Variants in ASTN2 observed in about 807,000 individuals in gnomAD.
The protein encoded by ASTN2 is astrotactin-2.
A neutral mutation model predicts 139.8 loss-of-function variants in ASTN2; 54 were observed. That is an observed-to-expected ratio of 0.39 (90% CI 0.31 to 0.48). The LOEUF (loss-of-function observed/expected upper bound fraction) is 0.48, where lower values mean the gene tolerates loss of function less well. Ranked by LOEUF, ASTN2 falls within the 20% of genes least tolerant of loss-of-function variation. ASTN2 has a pLI of 0.95. For synonymous variants in ASTN2, 756 were observed against 719.5 expected (o/e 1.05, Z -0.81); for missense variants, 1,565 against 1,725.1 (o/e 0.91, Z 1.64).
chr9:116,511,483 G>T (rs1247640613), intron 19 of ASTN2, among the ~76,000 whole-genome samples: 1 of 152,112 alleles, frequency 6.6e-6, no homozygotes, highest in Non-Finnish European at 1.5e-5. Context: ...TTGTGTCTCT[G>T]CCAGGCTTTG....
intron 10 of ASTN2, among the ~76,000 whole-genome samples, chr9:116,965,239 C>A (rs1345799551): frequency 6.6e-6 from 1 of 152,176 alleles, no homozygotes; most frequent in Non-Finnish European, 1.5e-5. Flanking sequence ...TTGATTTAGT[C>A]CAACCTGTTA....
intron 10 of ASTN2, among the ~76,000 whole-genome samples, chr9:116,879,119 A>G (rs943706241): frequency 2.6e-5 from 4 of 152,110 alleles, no homozygotes; most frequent in African/African-American, 9.7e-5. Context: ...CAGGTATGGT[A>G]TCAGAGTCCA....
In ASTN2 at chr9:116,669,897, T is replaced by C. The variant is rs1450145273; in HGVS notation, c.2807-18104A>G. On this transcript the variant is annotated intron_variant, in intron 16 of 22. Transcript: ENST00000313400. ...CTTGGCTCACTGCAACCTCAACCTC[T>C]TGGGTTCAAGCAATTCTCTGCCTCA... Among the ~76,000 whole-genome samples, 9 of 151,862 alleles carry C rather than the reference T, an allele frequency of 5.9e-5. No homozygotes were observed. In the South Asian group the frequency reaches 1.2e-3, roughly 21 times the overall value.
intron 19 of ASTN2, among the ~76,000 whole-genome samples, chr9:116,577,584 G>A (rs1853774271): frequency 6.6e-6 from 1 of 152,150 alleles, no homozygotes; most frequent in Non-Finnish European, 1.5e-5. Context: ...GATCCAGTGT[G>A]ATGAGCACTG....
At chr9:116,486,577 C>T (rs912253603) in intron 20 of ASTN2, among the ~76,000 whole-genome samples, 6 of 152,152 alleles carry the variant, frequency 3.9e-5, no homozygotes, top group Non-Finnish European at 8.8e-5. Flanking sequence ...AGCTCAACTT[C>T]GTAACAACTT....
intron 11 of ASTN2, among the ~76,000 whole-genome samples, chr9:116,821,360 T>C (rs1831479140): frequency 6.6e-6 from 1 of 152,170 alleles, no homozygotes; most frequent in South Asian, 2.1e-4. Context: ...AGTTGGATCA[T>C]GGGGGTGCAT....
At chr9:116,831,760 C>T (rs933257921) in intron 11 of ASTN2, among the ~76,000 whole-genome samples, 42 of 152,060 alleles carry the variant, frequency 2.8e-4, no homozygotes, top group African/African-American at 8.0e-4. Flanking sequence ...GTTCCTTTGC[C>T]GTTCGTTTAA....
At chr9:116,799,755 A>G (rs945423773) in intron 13 of ASTN2, among the ~76,000 whole-genome samples, 4 of 151,544 alleles carry the variant, frequency 2.6e-5, no homozygotes, top group South Asian at 2.1e-4. Context: ...AATACCACCA[A>G]TCTTTGGTGA....
At chr9:117,165,078 A>G (rs895127424) in intron 3 of ASTN2, among the ~76,000 whole-genome samples, 3 of 151,948 alleles carry the variant, frequency 2.0e-5, no homozygotes, top group South Asian at 4.2e-4. Context: ...ACTGACAACC[A>G]CTGAGCTTTG....
At chr9:116,941,594 GA>G (rs780480219) in intron 10 of ASTN2, among the ~76,000 whole-genome samples, 3,675 of 80,670 alleles carry the variant, frequency 0.046, 85 homozygotes, top group Middle Eastern at 0.15. Flanking sequence ...TTAAGCTACA[GA>G]AAAAAAAAAA....
intron 2 of ASTN2, among the ~76,000 whole-genome samples, chr9:117,246,418 C>T (rs3901974): frequency 0.26 from 39,744 of 151,974 alleles, 5,433 homozygotes; most frequent in Middle Eastern, 0.3. Context: ...GTTGTGTGGA[C>T]GAGGAGAAGC....
intron 19 of ASTN2, among the ~76,000 whole-genome samples, chr9:116,592,431 C>T (rs915227805): frequency 2.0e-5 from 3 of 152,006 alleles, no homozygotes; most frequent in Non-Finnish European, 4.4e-5. Flanking sequence ...CTCAGTATCA[C>T]AAGAACAGCC....
intron 10 of ASTN2, among the ~76,000 whole-genome samples, chr9:116,970,817 G>T (rs903786481): frequency 6.6e-6 from 1 of 152,124 alleles, no homozygotes; most frequent in African/African-American, 2.4e-5. Context: ...GTTGATTTGA[G>T]ATCACAGAAA....
At chr9:117,285,090 T>C (rs1834415415) in intron 2 of ASTN2, among the ~76,000 whole-genome samples, 1 of 152,228 alleles carries the variant, frequency 6.6e-6, no homozygotes, top group Non-Finnish European at 1.5e-5. Flanking sequence ...TTATTATTTC[T>C]ACTCAGTTAC....
intron 6 of ASTN2, among the ~76,000 whole-genome samples, chr9:117,016,619 T>TAAC (rs1564385801): frequency 0.03 from 95 of 3,148 alleles, 1 homozygote; most frequent in Non-Finnish European, 0.05. Context: ...TCTATATCTA[T>TAAC]CTATCTATAT....
intron 4 of ASTN2, among the ~76,000 whole-genome samples, chr9:117,126,525 CT>C (rs750574750): frequency 3.3e-5 from 5 of 152,140 alleles, no homozygotes; most frequent in Non-Finnish European, 5.9e-5. Context: ...TTGTGGTTTC[CT>C]ATCAGATATA....
At chr9:116,675,368 C>G (rs1859442627) in intron 16 of ASTN2, among the ~76,000 whole-genome samples, 1 of 152,074 alleles carries the variant, frequency 6.6e-6, no homozygotes, top group Non-Finnish European at 1.5e-5. Flanking sequence ...GTCTGTAGCC[C>G]TATGGTGGGG....
chr9:116,596,866 G>T (rs1235636392), intron 19 of ASTN2, among the ~76,000 whole-genome samples: 2 of 152,064 alleles, frequency 1.3e-5, no homozygotes, highest in African/African-American at 4.8e-5. Flanking sequence ...CCAGTTAAGG[G>T]AATCACTAGA....
intron 17 of ASTN2, among the ~76,000 whole-genome samples, chr9:116,630,601 C>A (rs1414430035): frequency 6.6e-6 from 1 of 151,904 alleles, no homozygotes; most frequent in Non-Finnish European, 1.5e-5. Context: ...TTGCGACAAC[C>A]AAATAATGAC....
Sources: allele counts gnomAD v4.1 joint callset (sites outside exome capture counted in the v4.1 genomes callset), GRCh38; gene constraint gnomAD v4.1.1; transcripts MANE v1.5; gene names NCBI Gene and HGNC (gene_info 2026-07-23, HGNC 2026-07-21).